Variants in COLEC10 observed in about 807,000 individuals in gnomAD.
COLEC10 encodes the protein collectin subfamily member 10.
A neutral mutation model predicts 28.4 loss-of-function variants in COLEC10; 22 were observed. The ratio of observed to expected loss-of-function variants is 0.78; its 90% CI spans 0.55 to 1.11. The LOEUF is 1.11. Among genes scored for constraint, COLEC10 ranks in the 50% least tolerant of loss-of-function variants. The probability of loss-of-function intolerance (pLI) is 0.00; values close to 1 mark genes in which losing one functional copy is unlikely to be tolerated. For missense variants in COLEC10, 361 were observed against 344.1 expected, an observed-to-expected ratio of 1.05 and a Z score of -0.39; for synonymous variants, 125 against 116.1, an observed-to-expected ratio of 1.08 and a Z score of -0.49.
chr8:118,965,971 C>T, the COLEC10 span, among the ~76,000 whole-genome samples: 1 of 151,938 alleles, frequency 6.6e-6, no homozygotes, highest in Non-Finnish European at 1.5e-5. Flanking sequence ...AACTGAAATA[C>T]TAATTTAACA....
chr8:119,012,828 T>C (rs893377881), intron 2 of COLEC10, among the ~76,000 whole-genome samples: 1 of 150,514 alleles, frequency 6.6e-6, no homozygotes, highest in African/African-American at 2.5e-5. Context: ...TTTTCATTTC[T>C]GATATTAGTA....
chr8:119,017,755 C>T (rs906979159), intron 2 of COLEC10, among the ~76,000 whole-genome samples: 2 of 152,148 alleles, frequency 1.3e-5, no homozygotes, highest in Admixed American at 6.5e-5. Flanking sequence ...AAGTCACAAA[C>T]CTCATGTATC....
chr8:118,997,946 T>C (rs868399443), intron 1 of COLEC10, among the ~76,000 whole-genome samples: 5 of 152,294 alleles, frequency 3.3e-5, no homozygotes, highest in African/African-American at 4.8e-5. Context: ...CTATTTCATA[T>C]GATAAAATAA....
At chr8:119,062,533 G>A (rs1814874339), upstream of COLEC10, among the ~76,000 whole-genome samples, 1 of 151,470 alleles carries the variant, frequency 6.6e-6, no homozygotes, top group African/African-American at 2.4e-5. Flanking sequence ...AGGCTGCAGT[G>A]TAGTGGCATG....
the COLEC10 span, chr8:118,982,890 A>C: frequency 4.6e-5 from 7 of 152,322 alleles, no homozygotes; most frequent in African/African-American, 1.4e-4. Context: ...GTGGTGAGTA[A>C]GAGGTGGAGC....
the COLEC10 span, among the ~76,000 whole-genome samples, chr8:118,978,076 A>G: frequency 3.3e-5 from 5 of 152,114 alleles, no homozygotes; most frequent in African/African-American, 4.8e-5. Flanking sequence ...AAATGGATTG[A>G]ATGGAGGAGA....
At chr8:119,013,460 A>G (rs77645746) in intron 2 of COLEC10, among the ~76,000 whole-genome samples, 4,574 of 150,782 alleles carry the variant, frequency 0.03, 118 homozygotes, top group Non-Finnish European at 0.046. Flanking sequence ...AATAGTCTCT[A>G]GATTTCAATT....
chr8:119,015,291 A>G (rs1243120590), intron 2 of COLEC10, among the ~76,000 whole-genome samples: 1 of 150,570 alleles, frequency 6.6e-6, no homozygotes, highest in Non-Finnish European at 1.5e-5. Context: ...AATTTCATAT[A>G]TGTTTCTCAA....
chr8:118,992,389 A>T (rs1237422431), upstream of COLEC10, among the ~76,000 whole-genome samples: 3 of 152,142 alleles, frequency 2.0e-5, no homozygotes. Flanking sequence ...GTGCCTGTCC[A>T]AAATAATCAT....
chr8:119,082,705 A>G (rs1355080070), intron 1 of COLEC10, among the ~76,000 whole-genome samples: 1 of 152,314 alleles, frequency 6.6e-6, no homozygotes, highest in East Asian at 1.9e-4. Context: ...AAAAATCCAC[A>G]TAATATTTCA....
intron 1 of COLEC10, among the ~76,000 whole-genome samples, chr8:119,081,611 A>C (rs993789362): frequency 6.6e-6 from 1 of 152,188 alleles, no homozygotes; most frequent in African/African-American, 2.4e-5. Flanking sequence ...AGACATTTTG[A>C]TGAACAATGA....
intron 1 of COLEC10, among the ~76,000 whole-genome samples, chr8:119,088,607 A>C (rs1815529046): frequency 6.6e-6 from 1 of 152,146 alleles, no homozygotes; most frequent in Non-Finnish European, 1.5e-5. Flanking sequence ...TCCTCCTTTC[A>C]TCTGCTGATG....
chr8:119,007,740 A>T (rs1813830012), intron 1 of COLEC10, among the ~76,000 whole-genome samples: 1 of 151,074 alleles, frequency 6.6e-6, no homozygotes. Flanking sequence ...TTATTACATC[A>T]AAATTTTTAA....
chr8:119,025,719 T>C (rs1236409545), intron 2 of COLEC10, among the ~76,000 whole-genome samples: 1 of 152,188 alleles, frequency 6.6e-6, no homozygotes, highest in Non-Finnish European at 1.5e-5. Flanking sequence ...TAAGGATTTA[T>C]TGCAACCATA....
chr8:119,085,898 G>A (rs2450061), intron 1 of COLEC10, among the ~76,000 whole-genome samples: 54,306 of 151,728 alleles, frequency 0.36, 11,395 homozygotes, highest in Non-Finnish European at 0.47. Context: ...GATTACAGGC[G>A]TCATCCACCA....
intron 3 of COLEC10, among the ~76,000 whole-genome samples, chr8:119,092,973 C>A (rs183641427): frequency 6.6e-6 from 1 of 152,166 alleles, no homozygotes; most frequent in East Asian, 1.9e-4. Flanking sequence ...GGAGAGTAAG[C>A]AGCAAGACTG....
intron 1 of COLEC10, among the ~76,000 whole-genome samples, chr8:119,073,908 TA>T (rs1414746347): frequency 4.6e-5 from 7 of 150,978 alleles, no homozygotes; most frequent in African/African-American, 1.7e-4. Context: ...CATAGACTTT[TA>T]TATATGTATA....
chr8:119,102,096 G>T (rs1815840672), intron 3 of COLEC10, among the ~76,000 whole-genome samples: 1 of 152,028 alleles, frequency 6.6e-6, no homozygotes, highest in African/African-American at 2.4e-5. Flanking sequence ...TTGCACCTGT[G>T]TAGCCAATTG....
At chr8:118,955,204 T>TA in the COLEC10 span, among the ~76,000 whole-genome samples, 11 of 152,196 alleles carry the variant, frequency 7.2e-5, no homozygotes, top group Non-Finnish European at 1.6e-4. Context: ...ATTTCTTCCT[T>TA]AAAAAACACA....
Sources: allele counts gnomAD v4.1 joint callset (sites outside exome capture counted in the v4.1 genomes callset), GRCh38; gene constraint gnomAD v4.1.1; transcripts MANE v1.5; gene names NCBI Gene and HGNC (gene_info 2026-07-23, HGNC 2026-07-21).